Variants in SKAP2 observed in about 807,000 individuals in gnomAD.
SKAP2 encodes src kinase associated phosphoprotein 2, also known as src kinase-associated phosphoprotein 2.
SKAP2 carries 28 observed loss-of-function variants against 54.9 expected under a neutral mutation model. The ratio of observed to expected loss-of-function variants is 0.51; its 90% confidence interval spans 0.38 to 0.70. The LOEUF is 0.70. Among genes scored for constraint, SKAP2 ranks in the 30% least tolerant of loss-of-function variants. The pLI is 0.00. For synonymous variants in SKAP2, 137 were observed against 134.3 expected, an observed-to-expected ratio of 1.02 and a Z score of -0.14; for missense variants, 356 against 424.1, an observed-to-expected ratio of 0.84 and a Z score of 1.41.
intron 4 of SKAP2, among the ~76,000 whole-genome samples, chr7:26,756,081 G>A (rs1209911958): frequency 2.6e-5 from 4 of 152,154 alleles, no homozygotes; most frequent in African/African-American, 4.8e-5. Flanking sequence ...GTATTAATAT[G>A]GAAAGATATA....
chr7:26,705,509 C>T lies in SKAP2; in HGVS notation c.797-15147G>A, dbSNP rs188493150. ...TAACTATCTGAATGTAGTTTAACTG[C>T]ATGACTTATTTACACCTATTCTAGC... On this transcript the variant is annotated intron_variant, in intron 9 of 12. Coordinates refer to ENST00000345317, the MANE Select transcript of SKAP2 (RefSeq NM_003930.5). 3.8e-3 allele frequency among the ~76,000 whole-genome samples: 580 copies of T among 152,254 alleles called. 4 individuals are homozygous for T. Among genetic ancestry groups the T allele is most frequent in the Admixed American group, 9.2e-3 (141 of 15,290 alleles).
intron 9 of SKAP2, among the ~76,000 whole-genome samples, chr7:26,697,132 T>TA (rs1233692804): frequency 2.0e-5 from 3 of 152,050 alleles, no homozygotes; most frequent in Non-Finnish European, 4.4e-5. Context: ...GAAGATGAGG[T>TA]AAACTGTGGG....
At chr7:26,809,516 T>C (rs1337001793) in intron 4 of SKAP2, among the ~76,000 whole-genome samples, 1 of 151,710 alleles carries the variant, frequency 6.6e-6, no homozygotes, top group East Asian at 1.9e-4. Context: ...TCAATACCAC[T>C]AGACATCAGG....
chr7:26,809,604 C>T (rs1247772607), intron 4 of SKAP2, among the ~76,000 whole-genome samples: 1 of 152,102 alleles, frequency 6.6e-6, no homozygotes, highest in African/African-American at 2.4e-5. Context: ...CAAAAGATAA[C>T]CAGTGTTTGT....
chr7:26,699,721 G>T (rs911683012), intron 9 of SKAP2, among the ~76,000 whole-genome samples: 1 of 152,050 alleles, frequency 6.6e-6, no homozygotes, highest in African/African-American at 2.4e-5. Context: ...TTTTAAGATT[G>T]TAAAGGGATC....
chr7:26,772,507 T>C (rs999467544), intron 4 of SKAP2, among the ~76,000 whole-genome samples: 3 of 152,208 alleles, frequency 2.0e-5, no homozygotes, highest in African/African-American at 7.2e-5. Context: ...CTGTGTTAAT[T>C]TGCTTAGGAT....
chr7:26,727,746 A>C (rs953830664), intron 6 of SKAP2, among the ~76,000 whole-genome samples: 1 of 152,178 alleles, frequency 6.6e-6, no homozygotes, highest in African/African-American at 2.4e-5. Flanking sequence ...AAGACAAGTA[A>C]AGTGCGAATA....
intron 10 of SKAP2, among the ~76,000 whole-genome samples, chr7:26,689,843 C>T (rs1055491018): frequency 6.6e-6 from 1 of 152,142 alleles, no homozygotes; most frequent in Non-Finnish European, 1.5e-5. Context: ...AACTTGTTGT[C>T]CCCTGTTAGT....
rs962181944 is a variant in SKAP2 at position 26,668,723 on chromosome 7, T to C, written c.*943A>G. The C allele has an allele frequency of 1.4e-5, 2 of 147,030 alleles. No homozygotes were observed. The highest frequency in any genetic ancestry group is 5.0e-5 in the African/African-American group (2 of 39,788). The allele number at this position is 147,030 out of a possible 1,614,324, so 9.1% of individuals were successfully genotyped here. Reference sequence around the variant, plus strand: ...CTCTGTCGCCCAGGCTGGAGTGCAGTGGCGCGATCTTGGCTCACTGCAACC... The same window carrying C: ...CTCTGTCGCCCAGGCTGGAGTGCAGCGGCGCGATCTTGGCTCACTGCAACC... On this transcript the variant is annotated 3_prime_UTR_variant, in exon 13 of 13. Coordinates refer to ENST00000345317, the MANE Select transcript of SKAP2 (RefSeq NM_003930.5).
chr7:26,776,929 G>C (rs1238117764), intron 4 of SKAP2, among the ~76,000 whole-genome samples: 1 of 152,078 alleles, frequency 6.6e-6, no homozygotes, highest in Admixed American at 6.5e-5. Flanking sequence ...TCTACATCCT[G>C]TGCTGTCATC....
chr7:26,750,154 T>C (rs1488144206), intron 4 of SKAP2, among the ~76,000 whole-genome samples: 1 of 152,136 alleles, frequency 6.6e-6, no homozygotes, highest in Non-Finnish European at 1.5e-5. Flanking sequence ...ATGCCATCTA[T>C]AGAAACCGTG....
intron 4 of SKAP2, among the ~76,000 whole-genome samples, chr7:26,760,345 T>C (rs1782898606): frequency 1.3e-5 from 2 of 152,186 alleles, no homozygotes; most frequent in Non-Finnish European, 2.9e-5. Context: ...TTTAAAGGAA[T>C]TGATTTTTTT....
intron 9 of SKAP2, among the ~76,000 whole-genome samples, chr7:26,712,820 T>C (rs1787338898): frequency 6.6e-6 from 1 of 152,214 alleles, no homozygotes. Context: ...GCTCTGACCA[T>C]ATGCACCTCT....
intron 4 of SKAP2, among the ~76,000 whole-genome samples, chr7:26,764,671 T>A (rs568147173): frequency 4.6e-5 from 7 of 152,298 alleles, no homozygotes; most frequent in Admixed American, 4.6e-4. Context: ...GGTATCCATG[T>A]GCCATGGTGA....
rs1338939518 is a variant in SKAP2 at position 26,851,731 on chromosome 7, AAAAAG to A, written c.199+2401_199+2405del. Among the ~76,000 whole-genome samples the A allele has an allele frequency of 4.5e-3, 683 of 152,058 alleles. 5 individuals are homozygous for A. The highest frequency in any genetic ancestry group is 0.015 in the African/African-American group (639 of 41,462). ...AAAGTATAATAATTAAAAAAAAAAA[AAAAAG>A]AAATACCTCAAACTGTAAAATCTGT... On this transcript the variant is annotated intron_variant, in intron 3 of 12. Transcript: ENST00000345317.
intron 4 of SKAP2, among the ~76,000 whole-genome samples, chr7:26,753,172 G>GT (rs1444044101): frequency 6.6e-6 from 1 of 152,172 alleles, no homozygotes; most frequent in Non-Finnish European, 1.5e-5. Context: ...ACAGCCATTT[G>GT]TGAGACTGGC....
At chr7:26,790,040 G>A (rs1356161286) in intron 4 of SKAP2, among the ~76,000 whole-genome samples, 1 of 152,098 alleles carries the variant, frequency 6.6e-6, no homozygotes, top group Non-Finnish European at 1.5e-5. Context: ...ACCAGCTGAT[G>A]GCCAGTATGT....
intron 3 of SKAP2, among the ~76,000 whole-genome samples, chr7:26,849,578 G>A (rs530242170): frequency 8.6e-5 from 13 of 151,564 alleles, no homozygotes; most frequent in Admixed American, 6.6e-4. Context: ...CCAGCTACTC[G>A]GGAGGCTGAG....
intron 4 of SKAP2, among the ~76,000 whole-genome samples, chr7:26,823,643 G>A (rs1421690844): frequency 6.6e-6 from 1 of 152,112 alleles, no homozygotes; most frequent in Non-Finnish European, 1.5e-5. Context: ...GTTGGTTCAT[G>A]AGGTTTAAGG....
Sources: allele counts gnomAD v4.1 joint callset (sites outside exome capture counted in the v4.1 genomes callset), GRCh38; gene constraint gnomAD v4.1.1; transcripts MANE v1.5; gene names NCBI Gene and HGNC (gene_info 2026-07-23, HGNC 2026-07-21).